Variants in ANKS1B observed in about 807,000 individuals in gnomAD.
ANKS1B encodes ankyrin repeat and sterile alpha motif domain containing 1B, also known as ankyrin repeat and sterile alpha motif domain-containing protein 1B.
In ANKS1B, 36 loss-of-function variants were observed where a neutral mutation model predicts 148.3. That is an observed-to-expected ratio of 0.24 (90% CI 0.19 to 0.32). The LOEUF (loss-of-function observed/expected upper bound fraction) is 0.32, where lower values mean the gene tolerates loss of function less well. Ranked by LOEUF, ANKS1B falls within the 10% of genes least tolerant of loss-of-function variation. The pLI is 1.00. For synonymous variants in ANKS1B, 542 were observed against 560.8 expected, an observed-to-expected ratio of 0.97 and a Z score of 0.47; for missense variants, 1,157 against 1,542.6, an observed-to-expected ratio of 0.75 and a Z score of 4.19.
intron 15 of ANKS1B, chr12:99,097,000 T>C (rs569069401): frequency 1.2e-3 from 176 of 152,342 alleles, no homozygotes; most frequent in African/African-American, 4.0e-3. Flanking sequence ...TATGTCTTGT[T>C]TCCTTTACTG....
chr12:99,005,432 A>G (rs2099935586), intron 17 of ANKS1B, among the ~76,000 whole-genome samples: 2 of 152,190 alleles, frequency 1.3e-5, no homozygotes, highest in Non-Finnish European at 2.9e-5. Flanking sequence ...AAGCAATGGA[A>G]AGTTGACATG....
In ANKS1B at chr12:99,772,969, T is replaced by C. The variant is rs1413064432; in HGVS notation, c.1081A>G (p.Ser361Gly). 3 of 1,611,940 alleles carry C rather than the reference T, an allele frequency of 1.9e-6. No individual in the cohort carries two copies. The highest frequency in any genetic ancestry group is 2.5e-6 in the Non-Finnish European group (3 of 1,178,964). Residue 361 changes from serine to glycine, a missense_variant, in exon 8 of 27, where the codon AGC becomes GGC. Physicochemically the swap from Ser to Gly is moderately conservative, Grantham distance 56. This residue lies in a region of ANKS1B where 661 missense variants were observed against 642.1 expected (regional missense o/e 1.03). Coordinates refer to ENST00000683438, the MANE Select transcript of ANKS1B (RefSeq NM_001352186.2). The part of the protein sequence containing the change: ...TISDHYLDNL[S>G]KISEEELGKN... ...CCAAGTTCTTCCTCTGAAATCTTGC[T>C]CAAATTATCTAAGTAGTGGTCTGAT... is the stretch of plus-strand genomic sequence containing the variant.
intron 9 of ANKS1B, among the ~76,000 whole-genome samples, chr12:99,541,227 T>A (rs1349596208): frequency 6.6e-6 from 1 of 151,736 alleles, no homozygotes; most frequent in Admixed American, 6.6e-5. Flanking sequence ...AATGCTTCTT[T>A]AAAAAAAACA....
chr12:99,406,225 T>C (rs2094528926), intron 11 of ANKS1B, among the ~76,000 whole-genome samples: 1 of 144,996 alleles, frequency 6.9e-6, no homozygotes, highest in Non-Finnish European at 1.5e-5. Context: ...TATACATTCT[T>C]CTCCTTAGTA....
intron 12 of ANKS1B, among the ~76,000 whole-genome samples, chr12:99,354,323 A>G (rs980475686): frequency 1.5e-4 from 23 of 152,174 alleles, no homozygotes; most frequent in African/African-American, 5.5e-4. Flanking sequence ...CCTAGAAAAC[A>G]TATGAAAATG....
At chr12:99,668,635 G>A (rs762472377) in intron 8 of ANKS1B, among the ~76,000 whole-genome samples, 3 of 150,674 alleles carry the variant, frequency 2.0e-5, no homozygotes, top group Non-Finnish European at 4.4e-5. Context: ...AGTTTTCTTT[G>A]TTTTTGTCAT....
At chr12:99,375,400 C>T (rs1251815330) in intron 12 of ANKS1B, among the ~76,000 whole-genome samples, 1 of 152,224 alleles carries the variant, frequency 6.6e-6, no homozygotes, top group African/African-American at 2.4e-5. Flanking sequence ...CCTCTCAGGT[C>T]TGTCCCTTTC....
chr12:99,378,611 C>T (rs371548005), intron 12 of ANKS1B, among the ~76,000 whole-genome samples: 24 of 142,654 alleles, frequency 1.7e-4, no homozygotes, highest in Admixed American at 7.3e-4. Context: ...GCCGAGATCA[C>T]GCACTGCACT....
chr12:99,448,448 G>A (rs149317368), intron 10 of ANKS1B, among the ~76,000 whole-genome samples: 1 of 152,206 alleles, frequency 6.6e-6, no homozygotes, highest in Admixed American at 6.5e-5. Flanking sequence ...CTGGGGAGAT[G>A]TTGGTCAAAG....
chr12:98,986,072 T>C (rs867696454), intron 17 of ANKS1B, among the ~76,000 whole-genome samples: 12 of 152,216 alleles, frequency 7.9e-5, no homozygotes, highest in South Asian at 2.1e-4. Context: ...TTGGCTTACT[T>C]ATTTTTAACA....
chr12:99,896,446 A>G (rs2093389759), intron 1 of ANKS1B, among the ~76,000 whole-genome samples: 1 of 151,336 alleles, frequency 6.6e-6, no homozygotes, highest in Non-Finnish European at 1.5e-5. Flanking sequence ...TTAAGGCTGA[A>G]TAATACTCCA....
At chr12:99,872,815 CT>C (rs1191803275) in intron 1 of ANKS1B, among the ~76,000 whole-genome samples, 1 of 152,086 alleles carries the variant, frequency 6.6e-6, no homozygotes, top group Non-Finnish European at 1.5e-5. Flanking sequence ...TGAAAACTAT[CT>C]CTTTAGGGAA....
chr12:98,818,370 C>T (rs1046682632), intron 19 of ANKS1B, among the ~76,000 whole-genome samples: 3 of 152,162 alleles, frequency 2.0e-5, no homozygotes, highest in Non-Finnish European at 4.4e-5. Context: ...CCTAATATGA[C>T]AGCTGTAGCC....
intron 1 of ANKS1B, among the ~76,000 whole-genome samples, chr12:99,866,338 A>G (rs369042303): frequency 4.6e-5 from 7 of 152,270 alleles, no homozygotes; most frequent in African/African-American, 1.4e-4. Context: ...CTATTACAGA[A>G]GTATCCAGCA....
rs1276629101 is a variant in ANKS1B at position 99,647,771 on chromosome 12, T to C, written c.1272+7296A>G. ...GTTTAGCAGCAGTGGATGGTTCAGG[T>C]TGGGAAGAAGAGCAGTGGGATTGCC... On this transcript the variant is annotated intron_variant, in intron 9 of 26. Transcript: ENST00000683438. 5 of 199,946 alleles carry C rather than the reference T, an allele frequency of 2.5e-5. No individual in the cohort carries two copies. In the East Asian group the frequency reaches 5.7e-4, roughly 23 times the overall value. 12.4% of individuals were successfully genotyped at this position (199,946 alleles called of 1,614,324 possible).
chr12:99,508,530 T>C (rs116390261), intron 9 of ANKS1B, among the ~76,000 whole-genome samples: 24,100 of 151,242 alleles, frequency 0.16, 1,968 homozygotes, highest in Non-Finnish European at 0.17. Flanking sequence ...TAGTATTATA[T>C]AAAATATTTC....
intron 12 of ANKS1B, among the ~76,000 whole-genome samples, chr12:99,268,661 G>A (rs895807002): frequency 6.6e-6 from 1 of 152,174 alleles, no homozygotes; most frequent in Non-Finnish European, 1.5e-5. Context: ...TGCTGGTAGT[G>A]ATATAAAGAA....
intron 1 of ANKS1B, among the ~76,000 whole-genome samples, chr12:99,882,281 C>A (rs2092559846): frequency 6.6e-6 from 1 of 152,050 alleles, no homozygotes; most frequent in African/African-American, 2.4e-5. Flanking sequence ...AGGACAATAT[C>A]ACAATGCCTA....
At chr12:99,650,367 G>T (rs576073709) in intron 9 of ANKS1B, among the ~76,000 whole-genome samples, 4 of 90,400 alleles carry the variant, frequency 4.4e-5, no homozygotes, top group Admixed American at 1.2e-4. Context: ...AGTTTCAGTA[G>T]ATTGTTTCTT....
Sources: gnomAD v4.1 joint callset for allele counts (sites outside exome capture counted in the v4.1 genomes callset) on GRCh38, gnomAD v4.1.1 for gene constraint, gnomAD v4.1.1 regional missense constraint, MANE v1.5 for transcripts, NCBI Gene and HGNC (gene_info 2026-07-23, HGNC 2026-07-21) for gene names.